The following GPHN variants were observed in gnomAD, a reference collection of about 807,000 sequenced individuals.
The protein encoded by GPHN is gephyrin.
In GPHN, 17 loss-of-function variants were observed where a neutral mutation model predicts 95.5. That is an observed-to-expected ratio of 0.18 (90% CI 0.12 to 0.27). The LOEUF is 0.27. Among genes scored for constraint, GPHN ranks in the 10% least tolerant of loss-of-function variants. GPHN has a pLI of 1.00. For missense variants in GPHN, 660 were observed against 978.1 expected (o/e 0.67, Z 4.34); for synonymous variants, 320 against 322.5 (o/e 0.99, Z 0.08).
At chr14:66,884,587 T>A (rs952293581) in intron 5 of GPHN, among the ~76,000 whole-genome samples, 2 of 145,934 alleles carry the variant, frequency 1.4e-5, no homozygotes, top group East Asian at 2.0e-4. Context: ...TGTTTTTTTT[T>A]AAAAGATCAA....
intron 1 of GPHN, among the ~76,000 whole-genome samples, chr14:66,653,604 T>C (rs770008557): frequency 6.6e-6 from 1 of 152,204 alleles, no homozygotes; most frequent in Non-Finnish European, 1.5e-5. Flanking sequence ...ATCTCCCACC[T>C]GAACTCCTTG....
chr14:66,662,756 A>G (rs1351209516), intron 1 of GPHN, among the ~76,000 whole-genome samples: 1 of 152,228 alleles, frequency 6.6e-6, no homozygotes, highest in African/African-American at 2.4e-5. Context: ...GACAAGGTAA[A>G]ATAGCCAGTA....
chr14:66,918,812 C>A (rs772397701), intron 6 of GPHN, among the ~76,000 whole-genome samples: 6 of 152,150 alleles, frequency 3.9e-5, no homozygotes, highest in Non-Finnish European at 8.8e-5. Flanking sequence ...AGGTTAAATT[C>A]TTTACCACAC....
At chr14:66,759,675 A>C (rs2058691821) in intron 2 of GPHN, among the ~76,000 whole-genome samples, 1 of 152,172 alleles carries the variant, frequency 6.6e-6, no homozygotes, top group Non-Finnish European at 1.5e-5. Context: ...TTTATTATCC[A>C]ACTTGCAACT....
the GPHN span, chr14:67,376,713 C>T: frequency 9.7e-7 from 1 of 1,027,150 alleles, no homozygotes; most frequent in South Asian, 1.7e-5. Flanking sequence ...TTGTATTGGC[C>T]AGTAAATGGG....
At chr14:67,501,546 T>A in the GPHN span, among the ~76,000 whole-genome samples, 1 of 152,136 alleles carries the variant, frequency 6.6e-6, no homozygotes, top group Non-Finnish European at 1.5e-5. Flanking sequence ...AATGATATTT[T>A]AAAAAATCAA....
the GPHN span, among the ~76,000 whole-genome samples, chr14:67,247,200 G>A: frequency 6.6e-6 from 1 of 152,152 alleles, no homozygotes; most frequent in Admixed American, 6.5e-5. Flanking sequence ...TTCCATTTAT[G>A]TGAGTATTGT....
At chr14:67,539,354 T>A in the GPHN span, among the ~76,000 whole-genome samples, 12 of 152,204 alleles carry the variant, frequency 7.9e-5, no homozygotes, top group African/African-American at 2.9e-4. Flanking sequence ...GAGGTCACAA[T>A]GCAGGGATTG....
intron 8 of GPHN, among the ~76,000 whole-genome samples, chr14:66,928,808 C>T (rs181780512): frequency 1.3e-5 from 2 of 152,094 alleles, no homozygotes; most frequent in Admixed American, 6.5e-5. Context: ...GTTTAATTTC[C>T]GTATGTTTGT....
chr14:66,940,145 GT>G (rs1310632594), intron 8 of GPHN, among the ~76,000 whole-genome samples: 1 of 151,662 alleles, frequency 6.6e-6, no homozygotes, highest in Non-Finnish European at 1.5e-5. Context: ...ACTCTTCTCA[GT>G]TTGGAAGATG....
At chr14:67,455,038 C>T in the GPHN span, among the ~76,000 whole-genome samples, 18 of 152,248 alleles carry the variant, frequency 1.2e-4, 1 homozygote, top group Admixed American at 9.2e-4. Context: ...TTAGTAGAGA[C>T]GGGGTTTCAC....
the GPHN span, among the ~76,000 whole-genome samples, chr14:67,642,834 G>T: frequency 1.1e-4 from 12 of 113,908 alleles, no homozygotes; most frequent in Non-Finnish European, 2.0e-4. Context: ...ATAGGGTCTG[G>T]CTCTGTTGCC....
intron 9 of GPHN, among the ~76,000 whole-genome samples, chr14:66,968,462 C>T (rs2069501117): frequency 6.6e-6 from 1 of 152,074 alleles, no homozygotes; most frequent in Non-Finnish European, 1.5e-5. Flanking sequence ...AGCCAAATCC[C>T]ATAGAAATCC....
chr14:67,727,037 C>T, the GPHN span: 13 of 1,613,834 alleles, frequency 8.1e-6, no homozygotes, highest in African/African-American at 4.0e-5. Context: ...TGCCCCTGCA[C>T]GGGTGGTTAA....
At chr14:66,719,159 A>C (rs981902671) in intron 2 of GPHN, among the ~76,000 whole-genome samples, 2 of 151,998 alleles carry the variant, frequency 1.3e-5, no homozygotes, top group African/African-American at 4.8e-5. Context: ...TAGGGCTTTA[A>C]TTTTCCTGTT....
At chr14:67,080,279 T>C (rs1436754796) in intron 11 of GPHN, among the ~76,000 whole-genome samples, 1 of 152,126 alleles carries the variant, frequency 6.6e-6, no homozygotes, top group African/African-American at 2.4e-5. Flanking sequence ...TGTTGTTGAG[T>C]TGTAAGAGCT....
At chr14:67,676,592 C>T in the GPHN span, among the ~76,000 whole-genome samples, 1 of 151,952 alleles carries the variant, frequency 6.6e-6, no homozygotes, top group African/African-American at 2.4e-5. Flanking sequence ...AAAAAAATGG[C>T]CCGGGATGAT....
At chr14:67,539,371 T>C in the GPHN span, among the ~76,000 whole-genome samples, 1 of 152,188 alleles carries the variant, frequency 6.6e-6, no homozygotes, top group African/African-American at 2.4e-5. Flanking sequence ...ATTGTTTAGA[T>C]GACAGGGCTG....
the GPHN span, among the ~76,000 whole-genome samples, chr14:67,276,549 A>C: frequency 6.6e-6 from 1 of 152,170 alleles, no homozygotes; most frequent in Non-Finnish European, 1.5e-5. Flanking sequence ...GACATTTCTT[A>C]TGATATGTAT....
Sources: allele counts gnomAD v4.1 joint callset (sites outside exome capture counted in the v4.1 genomes callset), GRCh38; gene constraint gnomAD v4.1.1; transcripts MANE v1.5; gene names NCBI Gene and HGNC (gene_info 2026-07-23, HGNC 2026-07-21).